EYS: variants seen among roughly 807,000 people sequenced by gnomAD.
The protein encoded by EYS is protein eyes shut homolog.
Under a neutral mutation model 282.1 loss-of-function variants are expected in EYS, and 250 were observed. The observed-to-expected ratio is 0.89, with a 90% CI of 0.80 to 0.98. EYS has a LOEUF of 0.98. Ranked by LOEUF, EYS falls within the 50% of genes least tolerant of loss-of-function variation. The pLI, the probability that EYS is intolerant of heterozygous loss-of-function variation, is 0.00. For synonymous variants in EYS, 1,355 were observed against 1,282.9 expected (o/e 1.06, Z -1.20); for missense variants, 4,016 against 3,709.0 (o/e 1.08, Z -2.15).
At chr6:65,490,494 A>G in intron 5 of EYS, 100 bp downstream of exon 5, 6 of 757,154 alleles carry the variant, frequency 7.9e-6, no homozygotes, top group Non-Finnish European at 1.4e-5. Flanking sequence ...CTGAAATTGT[A>G]TTTTTCAATA....
rs1309688560 is a variant in EYS, at chr6:63,721,017, T to C, written c.9014A>G (p.Glu3005Gly). The stretch of plus-strand genomic sequence containing the variant: ...GAGACCAATTGCCAGAAAATCATTT[T>C]CTTCATTTTGAGCTATTCCCATCCA... ...IVWMGIAQNE[E>G]NDFLAIGLHN... The change falls in exon 43 of 43, where the codon GAA (glutamate) becomes GGA (glycine). Residue 3005 changes from glutamate to glycine, a missense_variant. Coordinates refer to ENST00000503581, the MANE Select transcript of EYS (RefSeq NM_001142800.2). 6.4e-7 allele frequency: 1 copy of C among 1,551,226 alleles called. No homozygotes were observed. The highest frequency in any genetic ancestry group is 8.7e-7 in the Non-Finnish European group (1 of 1,146,782).
chr6:64,113,119 A>T (rs1195508282), intron 31 of EYS, among the ~76,000 whole-genome samples: 1 of 152,180 alleles, frequency 6.6e-6, no homozygotes, highest in Non-Finnish European at 1.5e-5. Context: ...AGACTGTAAT[A>T]TGATATACAA....
chr6:64,011,590 GTT>G (rs536269930), intron 33 of EYS, among the ~76,000 whole-genome samples: 8 of 136,178 alleles, frequency 5.9e-5, no homozygotes, highest in African/African-American at 2.1e-4. Context: ...AAAGTAGTTT[GTT>G]TTTTTTTTTT....
chr6:63,826,655 T>A (rs1771468947), intron 36 of EYS, among the ~76,000 whole-genome samples: 1 of 151,908 alleles, frequency 6.6e-6, no homozygotes, highest in Non-Finnish European at 1.5e-5. Flanking sequence ...GCATCATATG[T>A]GAAGGAAAGA....
At chr6:63,953,024 TATC>T (rs1455013874) in intron 35 of EYS, among the ~76,000 whole-genome samples, 1 of 152,226 alleles carries the variant, frequency 6.6e-6, no homozygotes, top group Non-Finnish European at 1.5e-5. Context: ...ATCTGTGCCT[TATC>T]AACCAAATTG....
chr6:64,235,072 AT>A (rs1002220296), intron 30 of EYS, among the ~76,000 whole-genome samples: 2 of 136,556 alleles, frequency 1.5e-5, no homozygotes, highest in African/African-American at 2.7e-5. Context: ...TTTATTTTTT[AT>A]TTTTTTATTT....
At chr6:64,247,415 T>A (rs528623322) in intron 30 of EYS, among the ~76,000 whole-genome samples, 1 of 152,162 alleles carries the variant, frequency 6.6e-6, no homozygotes, top group African/African-American at 2.4e-5. Context: ...AGGACTCCTT[T>A]AAAAAATCTA....
intron 31 of EYS, among the ~76,000 whole-genome samples, chr6:64,169,428 GGA>G (rs1562235645): frequency 4.0e-5 from 2 of 49,716 alleles, no homozygotes; most frequent in African/African-American, 1.1e-4. Context: ...AATTTGAGGA[GGA>G]GTTTTTTTTT....
chr6:64,896,851 G>GA (rs1659395743), intron 18 of EYS, among the ~76,000 whole-genome samples: 1 of 152,052 alleles, frequency 6.6e-6, no homozygotes, highest in Non-Finnish European at 1.5e-5. Context: ...CAGACTGGTG[G>GA]AGGGGGGGGC....
At chr6:65,412,600 T>G (rs546724286) in intron 5 of EYS, among the ~76,000 whole-genome samples, 1 of 152,242 alleles carries the variant, frequency 6.6e-6, no homozygotes, top group South Asian at 2.1e-4. Context: ...TGAACATCTT[T>G]TCATGTACTT....
chr6:64,917,378 A>G (rs1768199398), intron 15 of EYS, among the ~76,000 whole-genome samples: 1 of 152,208 alleles, frequency 6.6e-6, no homozygotes, highest in Non-Finnish European at 1.5e-5. Context: ...GTTCAGCAAT[A>G]TGTATCTGTG....
At chr6:65,073,040 T>A (rs953969932) in intron 12 of EYS, among the ~76,000 whole-genome samples, 1 of 151,240 alleles carries the variant, frequency 6.6e-6, no homozygotes, top group Non-Finnish European at 1.5e-5. Context: ...AAAACTTTCC[T>A]GAAAAAGAAA....
At chr6:63,738,160 C>A (rs1364311647) in intron 41 of EYS, among the ~76,000 whole-genome samples, 1 of 152,068 alleles carries the variant, frequency 6.6e-6, no homozygotes, top group East Asian at 1.9e-4. Flanking sequence ...TAGTTCAACC[C>A]TTGTGGAAGT....
intron 2 of EYS, among the ~76,000 whole-genome samples, chr6:65,586,857 T>G (rs999017523): frequency 6.6e-6 from 1 of 152,096 alleles, no homozygotes; most frequent in Admixed American, 6.6e-5. Flanking sequence ...TATCTTTAAC[T>G]AGATGTATTT....
At chr6:64,125,368 G>A (rs568181257) in intron 31 of EYS, among the ~76,000 whole-genome samples, 1 of 151,930 alleles carries the variant, frequency 6.6e-6, no homozygotes, top group South Asian at 2.1e-4. Context: ...AGCCTTACAT[G>A]GTCTGAATTA....
chr6:65,430,091 T>C (rs1767824653), intron 5 of EYS, among the ~76,000 whole-genome samples: 1 of 152,082 alleles, frequency 6.6e-6, no homozygotes, highest in Non-Finnish European at 1.5e-5. Flanking sequence ...GAACCAGGGG[T>C]TGAGAGGTAG....
intron 18 of EYS, among the ~76,000 whole-genome samples, chr6:64,894,632 G>A (rs1767396126): frequency 1.3e-5 from 2 of 152,056 alleles, no homozygotes; most frequent in Non-Finnish European, 1.5e-5. Context: ...TCCTTAAGAG[G>A]AATCTTTAAT....
chr6:64,981,396 C>G (rs2150116763), intron 14 of EYS, among the ~76,000 whole-genome samples: 1 of 151,360 alleles, frequency 6.6e-6, no homozygotes. Flanking sequence ...TCAGCTGCCT[C>G]TATGCCTTCT....
chr6:63,957,386 C>T (rs1232156240), intron 35 of EYS, among the ~76,000 whole-genome samples: 1 of 140,790 alleles, frequency 7.1e-6, no homozygotes, highest in Non-Finnish European at 1.6e-5. Flanking sequence ...AAAATGTTGT[C>T]TCTGTGCATA....
Sources: allele counts gnomAD v4.1 joint callset (sites outside exome capture counted in the v4.1 genomes callset), GRCh38; gene constraint gnomAD v4.1.1; transcripts MANE v1.5; gene names NCBI Gene and HGNC (gene_info 2026-07-23, HGNC 2026-07-21).